The following BMPR1A variants were observed in gnomAD, a reference collection of about 807,000 sequenced individuals.
BMPR1A encodes the protein bone morphogenetic protein receptor type 1A.
BMPR1A carries 7 observed loss-of-function variants against 66.0 expected under a neutral mutation model. That is an observed-to-expected ratio of 0.11 (90% CI 0.06 to 0.20). The LOEUF is 0.20. Ranked by LOEUF, BMPR1A falls within the 10% of genes least tolerant of loss-of-function variation. The probability of loss-of-function intolerance (pLI) is 1.00; values close to 1 mark genes in which losing one functional copy is unlikely to be tolerated. For missense variants in BMPR1A, 408 were observed against 669.1 expected, an observed-to-expected ratio of 0.61 and a Z score of 4.31; for synonymous variants, 200 against 229.7, an observed-to-expected ratio of 0.87 and a Z score of 1.17.
chr10:86,790,360 T>C (rs542835478), intron 1 of BMPR1A, among the ~76,000 whole-genome samples: 2 of 151,150 alleles, frequency 1.3e-5, no homozygotes, highest in Admixed American at 6.6e-5. Context: ...TGTGGGAATA[T>C]AAAATCGTGC....
rs60211336 is a variant in BMPR1A at position 86,760,248 on chromosome 10, C to CTTTTT, written c.-268+3348_-268+3352dup. The stretch of plus-strand genomic sequence containing the variant: ...TTTTTCTTTCTTTCTTTCTTTCTTT[C>CTTTTT]TTTTTTTTTTTTTTTTTTTTTTTGA... On this transcript the variant is annotated intron_variant, in intron 1 of 12. Coordinates refer to ENST00000372037, the MANE Select transcript of BMPR1A (RefSeq NM_004329.3). 5.3e-3 allele frequency among the ~76,000 whole-genome samples: 91 copies of CTTTTT among 17,020 alleles called. 1 individual carries two copies. Among genetic ancestry groups the CTTTTT allele is most frequent in the Non-Finnish European group, 5.4e-3 (49 of 9,042 alleles). 11.2% of individuals were successfully genotyped at this position (17,020 alleles called of 152,430 possible).
At chr10:86,762,605 C>T (rs558808789) in intron 1 of BMPR1A, among the ~76,000 whole-genome samples, 20 of 152,286 alleles carry the variant, frequency 1.3e-4, no homozygotes, top group African/African-American at 4.3e-4. Context: ...GTGATCCTTC[C>T]GCCTTGGCCT....
intron 7 of BMPR1A, among the ~76,000 whole-genome samples, chr10:86,909,280 C>T (rs1433118814): frequency 2.0e-5 from 3 of 152,086 alleles, no homozygotes; most frequent in African/African-American, 7.2e-5. Flanking sequence ...CTTAAAATGT[C>T]AATGTAAGGA....
chr10:86,913,931 A>C (rs1287796217), intron 8 of BMPR1A, among the ~76,000 whole-genome samples: 1 of 152,190 alleles, frequency 6.6e-6, no homozygotes, highest in African/African-American at 2.4e-5. Context: ...TGGAAATGCA[A>C]AGGACTAGAA....
chr10:86,756,699 AG>A lies in BMPR1A; in HGVS notation c.-486del, dbSNP rs1589700218. 1 of 151,854 alleles carries A rather than the reference AG, an allele frequency of 6.6e-6. No individual in the cohort carries two copies. Among genetic ancestry groups the A allele is most frequent in the African/African-American group, 2.4e-5 (1 of 41,352 alleles). 9.4% of individuals were successfully genotyped at this position (151,854 alleles called of 1,614,324 possible). ...CTTGGCGAAGGAGAAGGGAGGAGGC[AG>A]GAGCGAGGAGGGAGGAGGGCCAAGG... On this transcript the variant is annotated 5_prime_UTR_variant, in exon 1 of 13. Transcript: ENST00000372037.
intron 2 of BMPR1A, chr10:86,855,742 C>G (rs1842631835): frequency 2.1e-6 from 2 of 948,876 alleles, no homozygotes; most frequent in Non-Finnish European, 3.2e-6. Flanking sequence ...GACCAGCTTT[C>G]TTTTTCATTA....
At chr10:86,805,055 TGTGGTTTCATA>T (rs1173056119) in intron 1 of BMPR1A, among the ~76,000 whole-genome samples, 1 of 152,130 alleles carries the variant, frequency 6.6e-6, no homozygotes. Context: ...CCCACATGTC[TGTGGTTTCATA>T]TCTAGATGTC....
intron 1 of BMPR1A, among the ~76,000 whole-genome samples, chr10:86,776,956 T>C (rs1438622279): frequency 6.6e-6 from 1 of 152,200 alleles, no homozygotes; most frequent in African/African-American, 2.4e-5. Context: ...ATAATTTCAG[T>C]TCTACCCTGA....
intron 2 of BMPR1A, among the ~76,000 whole-genome samples, chr10:86,839,384 G>A (rs1036372468): frequency 1.3e-5 from 2 of 152,268 alleles, no homozygotes; most frequent in South Asian, 2.1e-4. Flanking sequence ...CATGAGGCCA[G>A]GAGTTCGAGA....
intron 2 of BMPR1A, chr10:86,854,905 T>C: frequency 4.6e-6 from 1 of 216,108 alleles, no homozygotes; most frequent in Non-Finnish European, 9.9e-6. Flanking sequence ...TCTGAGATTA[T>C]GTCATTAAGT....
chr10:86,893,572 G>A lies in BMPR1A; in HGVS notation c.333+1343G>A, dbSNP rs562994053. On this transcript the variant is annotated intron_variant, in intron 5 of 12. Transcript: ENST00000372037. ...TGGGAAGCCGAGGCGGGTGGATCAC[G>A]AGGTCTGGAGATCAAGACCATCCGG... Among the ~76,000 whole-genome samples, 4 of 152,208 alleles carry A rather than the reference G, an allele frequency of 2.6e-5. No individual in the cohort carries two copies. The East Asian group carries it at 5.8e-4, about 22-fold the overall frequency.
intron 1 of BMPR1A, among the ~76,000 whole-genome samples, chr10:86,810,818 C>T (rs1333005832): frequency 2.0e-5 from 3 of 152,170 alleles, no homozygotes; most frequent in African/African-American, 7.2e-5. Flanking sequence ...TTATCAGTTA[C>T]ATGATTTACA....
intron 1 of BMPR1A, among the ~76,000 whole-genome samples, chr10:86,810,127 C>T (rs950171322): frequency 1.3e-5 from 2 of 151,850 alleles, no homozygotes; most frequent in Non-Finnish European, 2.9e-5. Flanking sequence ...CCCACCACCA[C>T]GCCCGACTAA....
intron 1 of BMPR1A, among the ~76,000 whole-genome samples, chr10:86,783,392 G>GA (rs2132722702): frequency 6.6e-6 from 1 of 152,262 alleles, no homozygotes; most frequent in South Asian, 2.1e-4. Context: ...AAATGACACT[G>GA]AAATTTGATA....
intron 8 of BMPR1A, among the ~76,000 whole-genome samples, chr10:86,915,438 AG>A (rs1294469732): frequency 1.3e-5 from 2 of 152,210 alleles, no homozygotes; most frequent in Non-Finnish European, 2.9e-5. Context: ...TTTCTCAAAA[AG>A]GGTACATTTT....
chr10:86,925,719 A>ATTTTTTTTTTTTTTTT lies in BMPR1A; in HGVS notation c.*2001_*2002insTTTTTTTTTTTTTTTT, dbSNP rs1163006358. The ATTTTTTTTTTTTTTTT allele has an allele frequency of 3.2e-5, 4 of 123,448 alleles. No homozygotes were observed. The highest frequency in any genetic ancestry group is 2.8e-4 in the South Asian group (1 of 3,554). The allele number at this position is 123,448 out of a possible 1,614,324, so 7.6% of individuals were successfully genotyped here. The stretch of plus-strand genomic sequence containing the variant: ...ACCATAATCTTTAAAATCATTTGTC[A>ATTTTTTTTTTTTTTTT]TCTTTTTTTTTTTTTTTTTGAGACG... On this transcript the variant is annotated 3_prime_UTR_variant, in exon 13 of 13. Coordinates refer to ENST00000372037, the MANE Select transcript of BMPR1A (RefSeq NM_004329.3).
chr10:86,782,944 T>C (rs1841459521), intron 1 of BMPR1A, among the ~76,000 whole-genome samples: 1 of 152,234 alleles, frequency 6.6e-6, no homozygotes, highest in Non-Finnish European at 1.5e-5. Flanking sequence ...CAAGAAATCA[T>C]TGCCAAATTC....
At chr10:86,765,394 G>A (rs954634306) in intron 1 of BMPR1A, among the ~76,000 whole-genome samples, 3 of 141,980 alleles carry the variant, frequency 2.1e-5, no homozygotes, top group Non-Finnish European at 4.5e-5. Flanking sequence ...TAAGACAGGA[G>A]AATCACTTGA....
chr10:86,915,997 A>G (rs1275168143), intron 8 of BMPR1A, among the ~76,000 whole-genome samples: 3 of 152,216 alleles, frequency 2.0e-5, no homozygotes, highest in Admixed American at 2.0e-4. Flanking sequence ...GCAAATATAT[A>G]TGTAAATAAG....
Sources: allele counts gnomAD v4.1 joint callset (sites outside exome capture counted in the v4.1 genomes callset), GRCh38; gene constraint gnomAD v4.1.1; transcripts MANE v1.5; gene names NCBI Gene and HGNC (gene_info 2026-07-23, HGNC 2026-07-21).